The following IMPG2 variants were observed in gnomAD, a reference collection of about 807,000 sequenced individuals.
The protein encoded by IMPG2 is IPM 200.
In IMPG2, 91 loss-of-function variants were observed where a neutral mutation model predicts 129.2. That is an observed-to-expected ratio of 0.70 (90% CI 0.59 to 0.84). The LOEUF (loss-of-function observed/expected upper bound fraction) is 0.84, where lower values mean the gene tolerates loss of function less well. Among genes scored for constraint, IMPG2 ranks in the 40% least tolerant of loss-of-function variants. The probability of loss-of-function intolerance (pLI) is 0.00; values close to 1 mark genes in which losing one functional copy is unlikely to be tolerated. For missense variants in IMPG2, 1,430 were observed against 1,461.7 expected (o/e 0.98, Z 0.35); for synonymous variants, 510 against 517.7 (o/e 0.99, Z 0.20).
chr3:101,258,547 G>C (rs1706637619), intron 9 of IMPG2, among the ~76,000 whole-genome samples: 1 of 151,966 alleles, frequency 6.6e-6, no homozygotes, highest in East Asian at 1.9e-4. Context: ...CTCTTTTTCA[G>C]ATACTCTAGA....
chr3:101,247,469 T>C (rs1706493937), intron 11 of IMPG2, among the ~76,000 whole-genome samples: 1 of 152,162 alleles, frequency 6.6e-6, no homozygotes, highest in Admixed American at 6.5e-5. Context: ...TGGTGGCACA[T>C]GCCTGTAATC....
chr3:101,319,918 A>G, intron 1 of IMPG2, 86 bp from the exon 2 acceptor site: 1 of 1,415,508 alleles, frequency 7.1e-7, no homozygotes, highest in Non-Finnish European at 9.8e-7. Context: ...CACTTGGGCT[A>G]CATTAAGATA....
Position 101,257,640 on chromosome 3 carries a change from C to T in IMPG2, c.1042G>A (p.Val348Ile), listed in dbSNP as rs1246192377. The T allele has an allele frequency of 2.5e-6, 4 of 1,613,434 alleles. No individual in the cohort carries two copies. In the South Asian group the frequency reaches 3.3e-5, roughly 13 times the overall value. ...LVELDDKPTV[V>I]YTISNFRDYI... is the part of the protein sequence containing the mutation. ...TCTCTGAAGTTACTGATTGTATAAA[C>T]AACAGTGGGTTTATCATCCAGTTCC... Residue 348 changes from valine (V) to isoleucine (I), a missense_variant, in exon 10 of 19, where the codon GTT (valine) becomes ATT (isoleucine). Physicochemically the swap from Val to Ile is conservative, Grantham distance 29. Coordinates refer to ENST00000193391, the MANE Select transcript of IMPG2 (RefSeq NM_016247.4).
At chr3:101,298,347 T>G (rs1240901633) in intron 3 of IMPG2, among the ~76,000 whole-genome samples, 1 of 151,982 alleles carries the variant, frequency 6.6e-6, no homozygotes, top group African/African-American at 2.4e-5. Context: ...TGACTCTTTA[T>G]CCAATTTGCC....
intron 7 of IMPG2, among the ~76,000 whole-genome samples, chr3:101,271,544 G>A (rs1340377803): frequency 6.6e-6 from 1 of 152,188 alleles, no homozygotes; most frequent in East Asian, 1.9e-4. Flanking sequence ...TTTTATGGAT[G>A]AGAAAATGGA....
intron 17 of IMPG2, 56 bp downstream of exon 17, chr3:101,229,324 C>T: frequency 7.8e-7 from 1 of 1,281,616 alleles, no homozygotes; most frequent in Non-Finnish European, 1.1e-6. Flanking sequence ...CCCCCTGCTC[C>T]CCCACACACA....
In IMPG2 at chr3:101,243,937, C is replaced by G. The variant is rs768158584; in HGVS notation, c.2394G>C (p.Leu798Phe). ...TGTCAGCACTCTGTGGTGTACTTGCCAATATGTCTCTGGACAATTTCTCTA... is the reference window on the plus strand; with the variant it reads ...TGTCAGCACTCTGTGGTGTACTTGCGAATATGTCTCTGGACAATTTCTCTA... ...SSLEKLSRDILASTPQSADRL... is the reference protein window; with the variant it reads ...SSLEKLSRDIFASTPQSADRL... Residue 798 changes from leucine (L) to phenylalanine (F), a missense_variant, in exon 13 of 19, where the codon TTG (leucine) becomes TTC (phenylalanine). Transcript: ENST00000193391. 1.2e-6 allele frequency: 2 copies of G among 1,614,148 alleles called. No individual in the cohort carries two copies. The highest frequency in any genetic ancestry group is 1.7e-6 in the Non-Finnish European group (2 of 1,180,032).
At chr3:101,308,415 T>A (rs1317098673) in intron 2 of IMPG2, among the ~76,000 whole-genome samples, 3 of 152,276 alleles carry the variant, frequency 2.0e-5, no homozygotes, top group African/African-American at 4.8e-5. Flanking sequence ...GTGAAGGTTC[T>A]CATACCTCAA....
At chr3:101,319,888 A>T in intron 1 of IMPG2, 56 bp from the exon 2 acceptor site, 1 of 1,575,366 alleles carries the variant, frequency 6.3e-7, no homozygotes, top group South Asian at 1.1e-5. Context: ...TACAAAAGGT[A>T]ACAACTAAAG....
chr3:101,234,166 G>T (rs1706320783), intron 14 of IMPG2, among the ~76,000 whole-genome samples: 1 of 149,156 alleles, frequency 6.7e-6, no homozygotes, highest in African/African-American at 2.5e-5. Flanking sequence ...AAGTTAAGAA[G>T]AGGCCATACG....
intron 4 of IMPG2, 110 bp downstream of exon 4, chr3:101,291,369 C>T (rs192243104): frequency 3.9e-5 from 37 of 944,920 alleles, no homozygotes; most frequent in South Asian, 1.5e-4. Context: ...CTGGTCATTG[C>T]GAACTGGCAA....
intron 3 of IMPG2, among the ~76,000 whole-genome samples, chr3:101,302,642 G>A (rs1707150852): frequency 6.6e-6 from 1 of 152,130 alleles, no homozygotes; most frequent in African/African-American, 2.4e-5. Context: ...TAAGGTTGCT[G>A]TTATAACATC....
intron 17 of IMPG2, 80 bp downstream of exon 17, chr3:101,229,300 A>ACCCCCCCCCCCCC: frequency 1.3e-5 from 11 of 859,094 alleles, no homozygotes; most frequent in South Asian, 2.7e-5. Flanking sequence ...ACTCATACAC[A>ACCCCCCCCCCCCC]CCCCCACCCA....
chr3:101,243,587 T>A lies in IMPG2; in HGVS notation c.2744A>T (p.Asp915Val). ...LRVTNMMFSE[D>V]LFNKNSLEYK... Reference sequence around the variant, plus strand: ...CTCCAAGGAGTTTTTATTAAACAGATCTTCTGAAAACATCATGTTAGTCAC... The same window carrying A: ...CTCCAAGGAGTTTTTATTAAACAGAACTTCTGAAAACATCATGTTAGTCAC... Residue 915 changes from aspartate to valine, a missense_variant, in exon 13 of 19, where the codon GAT becomes GTT. Coordinates refer to ENST00000193391, the MANE Select transcript of IMPG2 (RefSeq NM_016247.4). 6.2e-7 allele frequency: 1 copy of A among 1,613,858 alleles called. No homozygotes were observed. Among genetic ancestry groups the A allele is most frequent in the Non-Finnish European group, 8.5e-7 (1 of 1,179,920 alleles).
chr3:101,314,627 T>C (rs1248357123), intron 2 of IMPG2, among the ~76,000 whole-genome samples: 1 of 152,146 alleles, frequency 6.6e-6, no homozygotes, highest in African/African-American at 2.4e-5. Context: ...TTCCCACATA[T>C]ACACTTTGTA....
chr3:101,293,274 T>C lies in IMPG2; in HGVS notation c.502-1764A>G, dbSNP rs1247530355. Among the ~76,000 whole-genome samples the C allele has an allele frequency of 2.0e-5, 3 of 152,208 alleles. No homozygotes were observed. The East Asian group carries it at 5.8e-4, about 29-fold the overall frequency. ...AAAGTTGAAATTACTCCTTACTCCA[T>C]GGGCTGCAGAATAAATATTGTATTG... On this transcript the variant is annotated intron_variant, in intron 3 of 18. Transcript: ENST00000193391.
intron 14 of IMPG2, among the ~76,000 whole-genome samples, chr3:101,240,528 G>A (rs1706395377): frequency 1.3e-5 from 2 of 152,148 alleles, no homozygotes; most frequent in Admixed American, 1.3e-4. Context: ...ACTTGTTTAT[G>A]CTTAGAATAG....
chr3:101,243,592 T>C lies in IMPG2; in HGVS notation c.2739A>G (p.Ser913=), dbSNP rs1706433521. 6.2e-7 allele frequency: 1 copy of C among 1,613,780 alleles called. No homozygotes were observed. The highest frequency in any genetic ancestry group is 8.5e-7 in the Non-Finnish European group (1 of 1,179,932). The part of the protein sequence containing the change: ...FSLRVTNMMF[S]EDLFNKNSLE... ...AGGAGTTTTTATTAAACAGATCTTC[T>C]GAAAACATCATGTTAGTCACTCGGA... Residue 913 remains serine (S), a synonymous_variant, in exon 13 of 19, where the codon TCA becomes TCG. Coordinates refer to ENST00000193391, the MANE Select transcript of IMPG2 (RefSeq NM_016247.4).
chr3:101,253,492 T>C (rs1288973179), intron 11 of IMPG2, among the ~76,000 whole-genome samples: 1 of 152,086 alleles, frequency 6.6e-6, no homozygotes, highest in Non-Finnish European at 1.5e-5. Context: ...CAGACTTTAT[T>C]TAATCACTGC....
Sources: gnomAD v4.1 joint callset for allele counts (sites outside exome capture counted in the v4.1 genomes callset) on GRCh38, gnomAD v4.1.1 for gene constraint, MANE v1.5 for transcripts, NCBI Gene and HGNC (gene_info 2026-07-23, HGNC 2026-07-21) for gene names.